PHLPP1: variants seen among roughly 807,000 people sequenced by gnomAD.
PHLPP1 encodes PH domain leucine-rich repeat-containing protein phosphatase 1.
Under a neutral mutation model 117.2 loss-of-function variants are expected in PHLPP1, and 42 were observed. The ratio of observed to expected loss-of-function variants is 0.36; its 90% CI spans 0.28 to 0.46. The LOEUF is 0.46. PHLPP1 is among the 20% of genes least tolerant of loss of function. The probability of loss-of-function intolerance (pLI) is 1.00; values close to 1 mark genes in which losing one functional copy is unlikely to be tolerated. For missense variants in PHLPP1, 2,084 were observed against 2,241.9 expected (o/e 0.93, Z 1.42); for synonymous variants, 1,042 against 970.7 (o/e 1.07, Z -1.37).
intron 14 of PHLPP1, among the ~76,000 whole-genome samples, 151 bp downstream of exon 14, chr18:62,963,623 C>G (rs1200926822): frequency 6.6e-6 from 1 of 152,210 alleles, no homozygotes; most frequent in African/African-American, 2.4e-5. Context: ...GGCTCCCTCA[C>G]GACTTATGTT....
intron 13 of PHLPP1, among the ~76,000 whole-genome samples, chr18:62,962,166 T>C (rs1714347283): frequency 6.6e-6 from 1 of 152,226 alleles, no homozygotes; most frequent in Non-Finnish European, 1.5e-5. Flanking sequence ...AGAGGACTTA[T>C]TTCACCTTGT....
chr18:62,956,670 A>G (rs1910620600), intron 12 of PHLPP1, among the ~76,000 whole-genome samples: 1 of 152,118 alleles, frequency 6.6e-6, no homozygotes, highest in Admixed American at 6.6e-5. Context: ...AGGGTGGTAG[A>G]TTTAAGGGTA....
At chr18:62,833,118 G>C (rs1301565538) in intron 2 of PHLPP1, among the ~76,000 whole-genome samples, 1 of 152,058 alleles carries the variant, frequency 6.6e-6, no homozygotes. Context: ...TTGTCATCCA[G>C]GCTGGAGTGC....
intron 10 of PHLPP1, among the ~76,000 whole-genome samples, chr18:62,923,657 A>G (rs1288120072): frequency 2.6e-5 from 4 of 152,156 alleles, no homozygotes; most frequent in African/African-American, 7.2e-5. Flanking sequence ...CACAACCTCA[A>G]TAATGGAAAT....
intron 9 of PHLPP1, among the ~76,000 whole-genome samples, chr18:62,917,169 T>G (rs1909312601): frequency 6.7e-6 from 1 of 148,370 alleles, no homozygotes; most frequent in East Asian, 1.9e-4. Flanking sequence ...TATATATTTT[T>G]TATATTTGTA....
chr18:62,731,475 G>T (rs539283545), intron 1 of PHLPP1: 1 of 152,308 alleles, frequency 6.6e-6, no homozygotes, highest in Non-Finnish European at 1.5e-5. Flanking sequence ...CTCCTTGACC[G>T]ACTGGCTATT....
chr18:62,851,367 A>G (rs1915345462), intron 3 of PHLPP1, among the ~76,000 whole-genome samples: 2 of 152,210 alleles, frequency 1.3e-5, no homozygotes, highest in African/African-American at 2.4e-5. Context: ...TCTTTTAACT[A>G]TATTTTAACA....
intron 1 of PHLPP1, among the ~76,000 whole-genome samples, chr18:62,773,178 C>T (rs971679533): frequency 6.6e-6 from 1 of 152,080 alleles, no homozygotes; most frequent in Non-Finnish European, 1.5e-5. Context: ...TTCTGTGGTA[C>T]TGCTGAATTG....
intron 16 of PHLPP1, among the ~76,000 whole-genome samples, chr18:62,977,642 C>T (rs1310365027): frequency 6.6e-6 from 1 of 152,208 alleles, no homozygotes; most frequent in Non-Finnish European, 1.5e-5. Context: ...TTCTTACCCA[C>T]CTAGTCAAAC....
chr18:62,820,975 A>G (rs1362510894), intron 1 of PHLPP1, among the ~76,000 whole-genome samples: 1 of 152,270 alleles, frequency 6.6e-6, no homozygotes, highest in Non-Finnish European at 1.5e-5. Context: ...AAATCTTCAA[A>G]TACGTGTCAA....
chr18:62,937,867 C>T (rs747371380), intron 10 of PHLPP1, among the ~76,000 whole-genome samples: 1 of 152,064 alleles, frequency 6.6e-6, no homozygotes, highest in Non-Finnish European at 1.5e-5. Context: ...CAAAAATTAC[C>T]TGGGCATGGT....
chr18:62,799,273 G>A (rs1279313478), intron 1 of PHLPP1, among the ~76,000 whole-genome samples: 1 of 152,160 alleles, frequency 6.6e-6, no homozygotes, highest in Non-Finnish European at 1.5e-5. Flanking sequence ...GTTTATATCA[G>A]TGAGCTTTCA....
intron 12 of PHLPP1, among the ~76,000 whole-genome samples, chr18:62,949,787 C>G (rs1910401595): frequency 6.6e-6 from 1 of 152,206 alleles, no homozygotes; most frequent in Non-Finnish European, 1.5e-5. Flanking sequence ...AGACGCCAGA[C>G]TTGGTTTGGC....
intron 1 of PHLPP1, among the ~76,000 whole-genome samples, chr18:62,725,156 C>T (rs1035450950): frequency 1.3e-5 from 2 of 151,914 alleles, no homozygotes; most frequent in African/African-American, 4.8e-5. Context: ...GTCAGGAGTT[C>T]GAGACCAGCC....
intron 4 of PHLPP1, among the ~76,000 whole-genome samples, chr18:62,879,440 C>T (rs1175200515): frequency 6.6e-6 from 1 of 151,630 alleles, no homozygotes; most frequent in African/African-American, 2.4e-5. Flanking sequence ...GTGTCAGAGT[C>T]TTACTCTGTC....
At chr18:62,901,628 C>CT (rs543110023) in intron 6 of PHLPP1, among the ~76,000 whole-genome samples, 68,914 of 142,736 alleles carry the variant, frequency 0.48, 16,607 homozygotes, top group Middle Eastern at 0.57. Context: ...CTCCTTTTTT[C>CT]TTTTTTTTTT....
Position 62,946,210 on chromosome 18 carries a change from A to G in PHLPP1, c.3324+939A>G, listed in dbSNP as rs192128758. Among the ~76,000 whole-genome samples the G allele has an allele frequency of 1.5e-3, 224 of 152,330 alleles. 1 individual carries two copies. Among genetic ancestry groups the G allele is most frequent in the African/African-American group, 5.3e-3 (221 of 41,580 alleles). ...TGCTGATATAAACCTTGTGTTTTAG[A>G]TTAAGAAAGCAAATAGACATTTGAA... is the stretch of plus-strand genomic sequence containing the variant. On this transcript the variant is annotated intron_variant, in intron 12 of 16. Coordinates refer to ENST00000262719, the MANE Select transcript of PHLPP1 (RefSeq NM_194449.4).
chr18:62,882,370 G>A (rs542392721), intron 4 of PHLPP1, among the ~76,000 whole-genome samples: 50 of 151,564 alleles, frequency 3.3e-4, no homozygotes, highest in African/African-American at 1.2e-3. Flanking sequence ...CCAGGTTCAC[G>A]CCATTCTCCT....
chr18:62,954,423 C>G (rs1380242222), intron 12 of PHLPP1, among the ~76,000 whole-genome samples: 1 of 152,120 alleles, frequency 6.6e-6, no homozygotes, highest in African/African-American at 2.4e-5. Flanking sequence ...TCCAGTTTCA[C>G]TCAAATATTT....
Sources: gnomAD v4.1 joint callset for allele counts (sites outside exome capture counted in the v4.1 genomes callset) on GRCh38, gnomAD v4.1.1 for gene constraint, MANE v1.5 for transcripts, NCBI Gene and HGNC (gene_info 2026-07-23, HGNC 2026-07-21) for gene names.